NHSL2: variants seen among roughly 807,000 people sequenced by gnomAD.
NHSL2 encodes the protein NHS like 2, also known as NHS-like protein 2.
Under a neutral mutation model 53.4 loss-of-function variants are expected in NHSL2, and 27 were observed. That is an observed-to-expected ratio of 0.51 (90% CI 0.37 to 0.70). The LOEUF (loss-of-function observed/expected upper bound fraction) is 0.70. Among genes scored for constraint, NHSL2 ranks in the 30% least tolerant of loss-of-function variants. The probability of loss-of-function intolerance (pLI) is 0.00; values close to 1 mark genes in which losing one functional copy is unlikely to be tolerated. For synonymous variants in NHSL2, 408 were observed against 404.1 expected, an observed-to-expected ratio of 1.01 and a Z score of -0.12; for missense variants, 892 against 980.1, an observed-to-expected ratio of 0.91 and a Z score of 1.20.
At chrX:72,128,290 C>A (rs1284420677) in intron 1 of NHSL2, 1 of 112,112 alleles carries the variant, frequency 8.9e-6, no homozygotes, top group South Asian at 3.7e-4. Flanking sequence ...CTGAGATTAT[C>A]GGTCAGACTC....
chrX:72,019,358 G>A (rs2042149595), intron 1 of NHSL2, among the ~76,000 whole-genome samples: 1 of 112,290 alleles, frequency 8.9e-6, no homozygotes, highest in African/African-American at 3.2e-5. Flanking sequence ...AAGAGAAGGA[G>A]GCCAAGCCTG....
At position 72,144,904 on chromosome X, in the gene NHSL2, G is replaced by A; in HGVS notation, c.*1330G>A. The A allele has an allele frequency of 8.0e-6, 1 of 125,077 alleles. No homozygotes were observed. Among genetic ancestry groups the A allele is most frequent in the Non-Finnish European group, 1.6e-5 (1 of 61,346 alleles). The allele number at this position is 125,077 out of a possible 1,213,427, so 10.3% of individuals were successfully genotyped here. A position where few individuals can be genotyped will look rare whatever the true frequency, so the allele number is the denominator to read the frequency against. On this transcript the variant is annotated 3_prime_UTR_variant, in exon 8 of 8. Transcript: ENST00000633930. ...CCCCCACCCCCCACGAAGCTTATAG[G>A]CACTAACTATTCTTGTCAGCTCAAT...
intron 1 of NHSL2, among the ~76,000 whole-genome samples, chrX:72,100,383 C>A (rs931182388): frequency 5.3e-5 from 6 of 112,374 alleles, no homozygotes; most frequent in African/African-American, 1.6e-4. Context: ...TGGTACTTAT[C>A]TGTGTATCTA....
chrX:72,132,575 G>A (rs1422678667), intron 2 of NHSL2, among the ~76,000 whole-genome samples: 2 of 109,118 alleles, frequency 1.8e-5, no homozygotes, highest in African/African-American at 3.4e-5. Context: ...CCCCCCTCTT[G>A]CCACATCGCC....
In NHSL2 at chrX:72,150,421, A is replaced by C. The variant is rs751616386; in HGVS notation, c.*6847A>C. ...CAACCCAACCAATATTAGCTTTCCC[A>C]GAGTCTACTTTAGCCTTCCCTTCTT... On this transcript the variant is annotated 3_prime_UTR_variant, in exon 8 of 8. Coordinates refer to ENST00000633930, the MANE Select transcript of NHSL2 (RefSeq NM_001013627.3). 1 of 112,040 alleles carries C rather than the reference A, an allele frequency of 8.9e-6. No individual in the cohort carries two copies. The highest frequency in any genetic ancestry group is 1.9e-5 in the Non-Finnish European group (1 of 53,203). The allele number at this position is 112,040 out of a possible 1,213,427, so 9.2% of individuals were successfully genotyped here.
At chrX:71,959,130 G>A (rs2041856360) in intron 1 of NHSL2, among the ~76,000 whole-genome samples, 1 of 112,109 alleles carries the variant, frequency 8.9e-6, no homozygotes, top group Non-Finnish European at 1.9e-5. Context: ...GAAAACTCAG[G>A]GCTTCAATTC....
At chrX:72,136,496 T>C (rs772714847) in intron 4 of NHSL2, among the ~76,000 whole-genome samples, 31 of 111,502 alleles carry the variant, frequency 2.8e-4, no homozygotes, top group African/African-American at 9.8e-4. Flanking sequence ...GAGAAAGAAA[T>C]AGAGCTCAAT....
chrX:72,009,944 C>T (rs2042109197), intron 1 of NHSL2, among the ~76,000 whole-genome samples: 2 of 113,134 alleles, frequency 1.8e-5, no homozygotes, highest in Non-Finnish European at 3.7e-5. Context: ...CCAGTTGTTA[C>T]TCATTCCTGC....
chrX:71,969,263 C>CT (rs1167950277), intron 1 of NHSL2, among the ~76,000 whole-genome samples: 6 of 102,784 alleles, frequency 5.8e-5, no homozygotes, highest in East Asian at 3.0e-4. Flanking sequence ...TTTATCCCTC[C>CT]TTTTTTTTTA....
intron 1 of NHSL2, chrX:72,130,610 C>T: frequency 3.3e-6 from 4 of 1,211,703 alleles, no homozygotes; most frequent in Non-Finnish European, 4.5e-6. Context: ...GGAACGCGCA[C>T]TTTTCTTTCT....
intron 1 of NHSL2, among the ~76,000 whole-genome samples, chrX:71,941,983 C>T (rs2041768065): frequency 9.1e-6 from 1 of 110,437 alleles, no homozygotes; most frequent in Non-Finnish European, 1.9e-5. Context: ...GCCTCTGTTG[C>T]TCAGTCCTCG....
chrX:72,074,780 A>G (rs1475812011), intron 1 of NHSL2, among the ~76,000 whole-genome samples: 1 of 112,763 alleles, frequency 8.9e-6, no homozygotes, highest in Non-Finnish European at 1.9e-5. Context: ...GGCAAAACAC[A>G]AAACTGTTTC....
chrX:72,134,602 C>T lies in NHSL2; in HGVS notation c.658C>T (p.Gln220Ter). 8.6e-7 allele frequency: 1 copy of T among 1,166,543 alleles called. No homozygotes were observed. The highest frequency in any genetic ancestry group is 1.9e-5 in the South Asian group (1 of 52,745). The change falls in exon 4 of 8, where the codon CAA becomes TAA. Residue 220 changes from glutamine to a stop codon, truncating the protein, a stop_gained. Coordinates refer to ENST00000633930, the MANE Select transcript of NHSL2 (RefSeq NM_001013627.3). LOFTEE classifies it high-confidence loss of function. ...SLSLSTTADK[Q>*]TAWNSLFPLP... Reference sequence around the variant, plus strand: ...GAGCCTGTCTACCACAGCCGACAAGCAAACTGCCTGGAATAGCCTTTTCCC... The same window carrying T: ...GAGCCTGTCTACCACAGCCGACAAGTAAACTGCCTGGAATAGCCTTTTCCC...
chrX:72,019,347 G>A (rs1025121116), intron 1 of NHSL2, among the ~76,000 whole-genome samples: 5 of 112,332 alleles, frequency 4.5e-5, no homozygotes, highest in African/African-American at 1.6e-4. Flanking sequence ...ACGGTGAAGG[G>A]AAGAGAAGGA....
At chrX:72,131,895 A>G (rs1780436045) in intron 1 of NHSL2, 184 bp from the exon 2 acceptor site, 1 of 415,343 alleles carries the variant, frequency 2.4e-6, no homozygotes, top group South Asian at 3.7e-5. Flanking sequence ...GAGGGAGCGG[A>G]CTGCGGCAGG....
At chrX:72,090,049 G>C (rs1321871456) in intron 1 of NHSL2, among the ~76,000 whole-genome samples, 2 of 110,699 alleles carry the variant, frequency 1.8e-5, no homozygotes, top group South Asian at 3.8e-4. Flanking sequence ...CGTTGTTGCT[G>C]TTTGTTTGTT....
At chrX:72,134,403 C>A in intron 3 of NHSL2, 106 bp from the exon 4 acceptor site, 2 of 849,930 alleles carry the variant, frequency 2.4e-6, no homozygotes, top group African/African-American at 2.0e-5. Context: ...CGCTTTCCTG[C>A]CTCCCAGACG....
chrX:72,152,353 GCGCGCACACACACACACACA>G lies in NHSL2; in HGVS notation c.*8781_*8800del, dbSNP rs2042521755. On this transcript the variant is annotated 3_prime_UTR_variant, in exon 8 of 8. Coordinates refer to ENST00000633930, the MANE Select transcript of NHSL2 (RefSeq NM_001013627.3). ...ACCATACATGCGTGTGTGCATGCGC[GCGCGCACACACACACACACA>G]CACACACACACACACACAGTCCAGC... 1 of 58,508 alleles carries G rather than the reference GCGCGCACACACACACACACA, an allele frequency of 1.7e-5. No individual in the cohort carries two copies. Among genetic ancestry groups the G allele is most frequent in the Non-Finnish European group, 4.5e-5 (1 of 22,140 alleles). 4.8% of individuals were successfully genotyped at this position (58,508 alleles called of 1,213,427 possible). A position where few individuals can be genotyped will look rare whatever the true frequency, so the allele number is the denominator to read the frequency against.
intron 1 of NHSL2, among the ~76,000 whole-genome samples, chrX:72,042,042 C>A (rs1186077039): frequency 1.8e-5 from 2 of 112,324 alleles, no homozygotes. Context: ...TGCTACAGAT[C>A]CCAAGTGCTT....
Sources: allele counts gnomAD v4.1 joint callset (sites outside exome capture counted in the v4.1 genomes callset), GRCh38; gene constraint gnomAD v4.1.1; transcripts MANE v1.5; gene names NCBI Gene and HGNC (gene_info 2026-07-23, HGNC 2026-07-21).